LRRC4C: variants seen among roughly 807,000 people sequenced by gnomAD.
LRRC4C encodes the protein leucine rich repeat containing 4C, also known as leucine-rich repeat-containing protein 4C.
Under a neutral mutation model 33.6 loss-of-function variants are expected in LRRC4C, and 5 were observed. The ratio of observed to expected loss-of-function variants is 0.15; its 90% CI spans 0.08 to 0.31. LRRC4C has a LOEUF of 0.31. LRRC4C is among the 10% of genes least tolerant of loss of function. The pLI is 1.00. For synonymous variants in LRRC4C, 329 were observed against 302.0 expected (o/e 1.09, Z -0.93); for missense variants, 560 against 796.7 (o/e 0.70, Z 3.58).
At chr11:40,441,774 T>A (rs925087607) in intron 3 of LRRC4C, among the ~76,000 whole-genome samples, 1 of 152,184 alleles carries the variant, frequency 6.6e-6, no homozygotes, top group East Asian at 1.9e-4. Flanking sequence ...TGTAAGACAA[T>A]GAATGTGAAA....
intron 6 of LRRC4C, among the ~76,000 whole-genome samples, chr11:40,126,999 G>A (rs1856290797): frequency 6.6e-6 from 1 of 151,974 alleles, no homozygotes; most frequent in Non-Finnish European, 1.5e-5. Context: ...AGAATTTGGG[G>A]CCAGGTGTAG....
chr11:40,460,956 C>T (rs1440111), intron 3 of LRRC4C, among the ~76,000 whole-genome samples: 64,789 of 151,938 alleles, frequency 0.43, 14,181 homozygotes, highest in East Asian at 0.55. Flanking sequence ...TCTCCTTCCA[C>T]TGTCTTGCAG....
chr11:40,301,266 T>C (rs1161964027), intron 4 of LRRC4C, among the ~76,000 whole-genome samples: 1 of 152,246 alleles, frequency 6.6e-6, no homozygotes, highest in East Asian at 1.9e-4. Context: ...TTACATATCC[T>C]TTCTAAATAG....
At chr11:40,927,980 GT>G (rs560861726) in intron 2 of LRRC4C, among the ~76,000 whole-genome samples, 3 of 151,848 alleles carry the variant, frequency 2.0e-5, no homozygotes, top group East Asian at 1.9e-4. Context: ...TCAATGTAAA[GT>G]TTTTTTTAAG....
At chr11:41,423,767 T>C (rs535428481) in intron 1 of LRRC4C, 2 of 152,194 alleles carry the variant, frequency 1.3e-5, no homozygotes, top group Admixed American at 6.5e-5. Context: ...TTCTCCTTTA[T>C]GGAAATAATA....
At chr11:40,126,726 C>A (rs1377063195) in intron 6 of LRRC4C, among the ~76,000 whole-genome samples, 1 of 151,370 alleles carries the variant, frequency 6.6e-6, no homozygotes, top group South Asian at 2.1e-4. Flanking sequence ...TTTGGGAGGT[C>A]AGGGTGGGCA....
At chr11:41,019,652 T>C (rs771786177) in intron 1 of LRRC4C, among the ~76,000 whole-genome samples, 6 of 152,158 alleles carry the variant, frequency 3.9e-5, no homozygotes, top group Non-Finnish European at 8.8e-5. Flanking sequence ...GTAAAAGCGT[T>C]CTTATTTATC....
chr11:41,434,582 C>G (rs1184381660), intron 1 of LRRC4C, among the ~76,000 whole-genome samples: 1 of 152,158 alleles, frequency 6.6e-6, no homozygotes, highest in Non-Finnish European at 1.5e-5. Flanking sequence ...TCGTGCACAT[C>G]AAAGTCTGCA....
chr11:40,483,593 T>C (rs1953702237), intron 3 of LRRC4C, among the ~76,000 whole-genome samples: 1 of 151,838 alleles, frequency 6.6e-6, no homozygotes, highest in Non-Finnish European at 1.5e-5. Flanking sequence ...TGGTGACTGA[T>C]TGCAGGAAAA....
At chr11:40,395,649 T>C (rs754206742) in intron 3 of LRRC4C, among the ~76,000 whole-genome samples, 1 of 152,136 alleles carries the variant, frequency 6.6e-6, no homozygotes, top group African/African-American at 2.4e-5. Flanking sequence ...CTTTTTTGTG[T>C]GTGCTATTCA....
chr11:40,980,213 C>T (rs1852416913), intron 1 of LRRC4C, among the ~76,000 whole-genome samples: 2 of 152,244 alleles, frequency 1.3e-5, no homozygotes, highest in South Asian at 4.1e-4. Context: ...AATGGGAATG[C>T]CATCAGTTTC....
chr11:41,185,806 A>G (rs527387769), intron 1 of LRRC4C, among the ~76,000 whole-genome samples: 1 of 152,322 alleles, frequency 6.6e-6, no homozygotes, highest in Admixed American at 6.5e-5. Flanking sequence ...AAAAAGTCAC[A>G]AATTAAAAGA....
At chr11:40,166,215 C>T (rs1465622726) in intron 5 of LRRC4C, among the ~76,000 whole-genome samples, 1 of 152,150 alleles carries the variant, frequency 6.6e-6, no homozygotes, top group Admixed American at 6.5e-5. Context: ...CTAGAAGTGT[C>T]CCAATCCCCA....
intron 1 of LRRC4C, among the ~76,000 whole-genome samples, chr11:41,192,500 A>T (rs148515153): frequency 9.1e-4 from 139 of 152,152 alleles, no homozygotes; most frequent in African/African-American, 3.3e-3. Context: ...TCAAAGAATG[A>T]ATCAGTACCC....
At chr11:40,168,236 C>T (rs1156733069) in intron 5 of LRRC4C, among the ~76,000 whole-genome samples, 1 of 152,114 alleles carries the variant, frequency 6.6e-6, no homozygotes, top group Non-Finnish European at 1.5e-5. Context: ...GGAAGAAGGT[C>T]TGTTCAGAGG....
intron 3 of LRRC4C, among the ~76,000 whole-genome samples, chr11:40,537,226 GTCTGTGATGATTCCATCCAGGGT>G (rs1488283686): frequency 1.4e-4 from 21 of 152,214 alleles, no homozygotes; most frequent in Admixed American, 5.2e-4. Context: ...AGAAAAGAGA[GTCTGTGATGATTCCATCCAGGGT>G]TAGTGACAGC....
intron 4 of LRRC4C, among the ~76,000 whole-genome samples, chr11:40,254,437 C>T (rs1867039612): frequency 6.6e-6 from 1 of 152,178 alleles, no homozygotes; most frequent in Non-Finnish European, 1.5e-5. Context: ...TTGTACATTT[C>T]TCTGCACATG....
chr11:40,928,063 TG>T (rs1401147547), intron 2 of LRRC4C, among the ~76,000 whole-genome samples: 1 of 152,066 alleles, frequency 6.6e-6, no homozygotes, highest in Non-Finnish European at 1.5e-5. Context: ...ACAAATATAT[TG>T]TTTTTTAAAA....
chr11:41,226,989 C>T (rs1309620705), intron 1 of LRRC4C, among the ~76,000 whole-genome samples: 1 of 151,924 alleles, frequency 6.6e-6, no homozygotes, highest in Non-Finnish European at 1.5e-5. Context: ...CAACCACAGT[C>T]CTCTGCTTGC....
Sources: gnomAD v4.1 joint callset for allele counts (sites outside exome capture counted in the v4.1 genomes callset) on GRCh38, gnomAD v4.1.1 for gene constraint, MANE v1.5 for transcripts, NCBI Gene and HGNC (gene_info 2026-07-23, HGNC 2026-07-21) for gene names.